Variants in BCAS3 observed in about 807,000 individuals in gnomAD.
BCAS3 encodes BCAS3 microtubule associated cell migration factor.
Under a neutral mutation model 116.1 loss-of-function variants are expected in BCAS3, and 53 were observed. That is an observed-to-expected ratio of 0.46 (90% CI 0.37 to 0.57). The LOEUF is 0.57. Among genes scored for constraint, BCAS3 ranks in the 20% least tolerant of loss-of-function variants. The pLI, the probability that BCAS3 is intolerant of heterozygous loss-of-function variation, is 0.00. For missense variants in BCAS3, 917 were observed against 1,165.4 expected, an observed-to-expected ratio of 0.79 and a Z score of 3.10; for synonymous variants, 391 against 408.2, an observed-to-expected ratio of 0.96 and a Z score of 0.51.
chr17:60,841,703 TTAGG>T (rs1354367870), intron 7 of BCAS3, among the ~76,000 whole-genome samples: 1 of 151,838 alleles, frequency 6.6e-6, no homozygotes, highest in Non-Finnish European at 1.5e-5. Flanking sequence ...TTTCTATGGG[TTAGG>T]AGTCCAGGCA....
intron 22 of BCAS3, among the ~76,000 whole-genome samples, chr17:61,210,435 C>A (rs2081390215): frequency 6.6e-6 from 1 of 152,134 alleles, no homozygotes; most frequent in Non-Finnish European, 1.5e-5. Context: ...GAGATGATAT[C>A]CAGAACTCCT....
rs755554567 is a variant in BCAS3 at position 61,037,850 on chromosome 17, G to A, written c.1763-39G>A. 8.3e-6 allele frequency: 13 copies of A among 1,571,888 alleles called. No homozygotes were observed. The Admixed American group carries it at 1.5e-4, about 19-fold the overall frequency. On this transcript the variant is annotated intron_variant, in intron 17 of 23. Coordinates refer to ENST00000407086, the MANE Select transcript of BCAS3 (RefSeq NM_017679.5). This position sits in a 1 kb window ranked among gnomAD's most constrained non-coding sequence, Gnocchi z 4.7. ...AAAAATTATTCTGTGCTCCATTTATGCCATCATAACACATCGGGTTCTGTT... is the reference window on the plus strand; with the variant it reads ...AAAAATTATTCTGTGCTCCATTTATACCATCATAACACATCGGGTTCTGTT...
chr17:60,737,284 T>G (rs2144201371), intron 5 of BCAS3, among the ~76,000 whole-genome samples: 1 of 152,294 alleles, frequency 6.6e-6, no homozygotes, highest in East Asian at 1.9e-4. Context: ...CCTTCTCTGT[T>G]TCTTTTTCAA....
At chr17:60,851,385 C>A in intron 7 of BCAS3, 1 of 372,418 alleles carries the variant, frequency 2.7e-6, no homozygotes, top group South Asian at 2.2e-5. Context: ...CACCAGGATG[C>A]CCGAGAGGAA....
chr17:61,047,959 C>T (rs1296351719), intron 19 of BCAS3, among the ~76,000 whole-genome samples: 2 of 151,988 alleles, frequency 1.3e-5, no homozygotes, highest in African/African-American at 4.8e-5. Context: ...AAAAGTTCCT[C>T]TGTAAACTTA....
intron 6 of BCAS3, among the ~76,000 whole-genome samples, chr17:60,799,227 G>C (rs1204642062): frequency 1.3e-5 from 2 of 151,968 alleles, no homozygotes; most frequent in East Asian, 3.9e-4. Context: ...TCTTTATTCT[G>C]TCTTCCATTA....
intron 13 of BCAS3, among the ~76,000 whole-genome samples, chr17:60,945,081 A>G (rs528136936): frequency 6.6e-6 from 1 of 152,144 alleles, no homozygotes; most frequent in Non-Finnish European, 1.5e-5. Flanking sequence ...GTATAAAAAA[A>G]CCCCTAGAAC....
chr17:60,754,150 C>G (rs1287988382), intron 6 of BCAS3, among the ~76,000 whole-genome samples: 1 of 152,130 alleles, frequency 6.6e-6, no homozygotes, highest in Non-Finnish European at 1.5e-5. Context: ...ATCCTCCTGC[C>G]TTGGCCTCCC....
rs2057395297 is a variant in BCAS3, at chr17:61,344,729, T to G, written c.2426-23598T>G. Among the ~76,000 whole-genome samples, 1 of 150,318 alleles carries G rather than the reference T, an allele frequency of 6.7e-6. No individual in the cohort carries two copies. The highest frequency in any genetic ancestry group is 2.5e-5 in the African/African-American group (1 of 40,706). On this transcript the variant is annotated intron_variant, in intron 22 of 23. Coordinates refer to ENST00000407086, the MANE Select transcript of BCAS3 (RefSeq NM_017679.5). The surrounding 1 kb of genome is among the most constrained non-coding windows in gnomAD (Gnocchi z 4.1). ...AGGCCCTGGGGTGAAAGGAAGGAGG[T>G]TGTTGGAGGGACTGAGGGAGGTTCA...
intron 8 of BCAS3, among the ~76,000 whole-genome samples, chr17:60,870,600 C>T (rs1336352323): frequency 6.6e-6 from 1 of 152,172 alleles, no homozygotes; most frequent in African/African-American, 2.4e-5. Flanking sequence ...ACACTTATCG[C>T]TCCTCCATTG....
chr17:61,231,724 T>C (rs72832589), intron 22 of BCAS3, among the ~76,000 whole-genome samples: 11,488 of 151,794 alleles, frequency 0.076, 546 homozygotes, highest in Non-Finnish European at 0.11. Context: ...AAAATAATTT[T>C]ACCATTAGCC....
chr17:60,894,529 T>C (rs1235002064), intron 10 of BCAS3, among the ~76,000 whole-genome samples: 1 of 152,222 alleles, frequency 6.6e-6, no homozygotes, highest in East Asian at 1.9e-4. Flanking sequence ...GCAATGTGAC[T>C]TCTACTTTTC....
intron 13 of BCAS3, among the ~76,000 whole-genome samples, chr17:60,929,344 G>C (rs1424205203): frequency 6.6e-6 from 1 of 152,088 alleles, no homozygotes; most frequent in Admixed American, 6.6e-5. Flanking sequence ...TGGAAGACTT[G>C]CTTGAACCAA....
intron 22 of BCAS3, among the ~76,000 whole-genome samples, chr17:61,330,650 G>A (rs2056194982): frequency 6.6e-6 from 1 of 152,176 alleles, no homozygotes. Context: ...AGGCCCCCAG[G>A]AGTCCCCCTG....
chr17:61,029,370 T>C lies in BCAS3; in HGVS notation c.1638-5296T>C, dbSNP rs2066473385. Among the ~76,000 whole-genome samples, 2 of 152,024 alleles carry C rather than the reference T, an allele frequency of 1.3e-5. No homozygotes were observed. The highest frequency in any genetic ancestry group is 2.4e-5 in the African/African-American group (1 of 41,454). ...AATAAGCTTGTTGGAAAGTAAACTA[T>C]GCATCTTCAACATTTTAGTCACTTT... is the stretch of plus-strand genomic sequence containing the variant. On this transcript the variant is annotated intron_variant, in intron 16 of 23. Transcript: ENST00000407086. The surrounding 1 kb of genome is among the most constrained non-coding windows in gnomAD (Gnocchi z 5.2).
rs1287343108 is a variant in BCAS3 at position 61,378,754 on chromosome 17, T to G, written c.2593+10260T>G. On this transcript the variant is annotated intron_variant, in intron 23 of 23. Coordinates refer to ENST00000407086, the MANE Select transcript of BCAS3 (RefSeq NM_017679.5). This position sits in a 1 kb window ranked among gnomAD's most constrained non-coding sequence, Gnocchi z 5.8. ...CAGTCAAAGCAATGGGAATAGTTAT[T>G]GATTAAAAGTCACACTTGTTAATTT... is the stretch of plus-strand genomic sequence containing the variant. 1.3e-5 allele frequency: 2 copies of G among 152,210 alleles called. No individual in the cohort carries two copies. Among genetic ancestry groups the G allele is most frequent in the Non-Finnish European group, 2.9e-5 (2 of 68,044 alleles). The allele number at this position is 152,210 out of a possible 1,614,324, so 9.4% of individuals were successfully genotyped here. A position where few individuals can be genotyped will look rare whatever the true frequency, so the allele number is the denominator to read the frequency against.
intron 14 of BCAS3, among the ~76,000 whole-genome samples, chr17:60,973,585 TAATA>T (rs2062102323): frequency 7.9e-6 from 1 of 127,234 alleles, no homozygotes; most frequent in African/African-American, 4.6e-5. Flanking sequence ...ACCTTATTAT[TAATA>T]TATATATATA....
chr17:60,859,305 T>C (rs529438051), intron 7 of BCAS3, among the ~76,000 whole-genome samples: 96 of 152,202 alleles, frequency 6.3e-4, no homozygotes, highest in Non-Finnish European at 1.2e-3. Flanking sequence ...GTAGTGAGCA[T>C]AGTACCCGAT....
intron 20 of BCAS3, among the ~76,000 whole-genome samples, chr17:61,076,789 C>T (rs1304576492): frequency 6.6e-6 from 1 of 152,116 alleles, no homozygotes; most frequent in Admixed American, 6.5e-5. Flanking sequence ...TATCTGTGGC[C>T]TAATTTACAT....
Sources: gnomAD v4.1 joint callset for allele counts (sites outside exome capture counted in the v4.1 genomes callset) on GRCh38, gnomAD v4.1.1 for gene constraint, Gnocchi (gnomAD v3.1) non-coding constraint, MANE v1.5 for transcripts, NCBI Gene and HGNC (gene_info 2026-07-23, HGNC 2026-07-21) for gene names.